Variants in PHF8 observed in about 807,000 individuals in gnomAD.
PHF8 encodes the protein PHD finger protein 8, also known as histone lysine demethylase PHF8.
PHF8 carries 9 observed loss-of-function variants against 74.4 expected under a neutral mutation model. The ratio of observed to expected loss-of-function variants is 0.12; its 90% confidence interval spans 0.07 to 0.21. The LOEUF (loss-of-function observed/expected upper bound fraction) is 0.21. Ranked by LOEUF, PHF8 falls within the 10% of genes least tolerant of loss-of-function variation. The probability of loss-of-function intolerance (pLI) is 1.00; values close to 1 mark genes in which losing one functional copy is unlikely to be tolerated. For synonymous variants in PHF8, 311 were observed against 316.6 expected, an observed-to-expected ratio of 0.98 and a Z score of 0.19; for missense variants, 478 against 816.6, an observed-to-expected ratio of 0.59 and a Z score of 5.05.
At chrX:53,943,541 C>T (rs782078895) in intron 20 of PHF8, 23 of 530,130 alleles carry the variant, frequency 4.3e-5, no homozygotes, top group Admixed American at 1.6e-4. Context: ...TAGGAGCTAA[C>T]GGGATATTGA....
chrX:53,965,900 T>G, intron 18 of PHF8, among the ~76,000 whole-genome samples: 1 of 109,735 alleles, frequency 9.1e-6, no homozygotes, highest in Middle Eastern at 4.7e-3. Flanking sequence ...GTATGGCCCA[T>G]TTACGGGGGA....
At chrX:53,974,019 G>C (rs979140511) in intron 18 of PHF8, among the ~76,000 whole-genome samples, 4 of 111,272 alleles carry the variant, frequency 3.6e-5, no homozygotes, top group South Asian at 7.6e-4. Context: ...CAGCACTTTG[G>C]GGGGCTGAGG....
chrX:53,949,460 G>T (rs1557086258), intron 19 of PHF8, among the ~76,000 whole-genome samples: 1 of 111,604 alleles, frequency 9.0e-6, no homozygotes, highest in Non-Finnish European at 1.9e-5. Context: ...AATTACAAAA[G>T]ATATTTTTGG....
At chrX:54,021,108 T>G (rs1337766124) in intron 4 of PHF8, among the ~76,000 whole-genome samples, 3 of 112,395 alleles carry the variant, frequency 2.7e-5, no homozygotes, top group Non-Finnish European at 5.6e-5. Flanking sequence ...TACATAGCCA[T>G]AAAACAGAAG....
chrX:53,939,255 G>C lies in PHF8; in HGVS notation c.2987-9C>G. On this transcript the variant is annotated splice_polypyrimidine_tract_variant and intron_variant, in intron 21 of 21. Transcript: ENST00000338154. The stretch of plus-strand genomic sequence containing the variant: ...CTTTTTGGGACGCTTTCCTGTGGGG[G>C]AAGGGAAAAGTAAGCAAGGGCTTTG... 1 of 1,199,714 alleles carries C rather than the reference G, an allele frequency of 8.3e-7. No individual in the cohort carries two copies. Among genetic ancestry groups the C allele is most frequent in the Non-Finnish European group, 1.1e-6 (1 of 885,928 alleles).
At chrX:53,972,321 C>CAAAAAAAAAA (rs1236817498) in intron 18 of PHF8, among the ~76,000 whole-genome samples, 1 of 34,159 alleles carries the variant, frequency 2.9e-5, no homozygotes. Flanking sequence ...GACGCTGTCT[C>CAAAAAAAAAA]AAAAAAAAAA....
chrX:54,016,651 G>A lies in PHF8; in HGVS notation c.540C>T (p.Tyr180=). ...MKLGDFVKYY[Y]SGKREKVLNV... ...TGAGGACTTTCTCCCTCTTCCCGCT[G>A]TAATAGTATTTCACAAAATCACCAA... The change falls in exon 6 of 22, where the codon TAC becomes TAT. Residue 180 remains tyrosine (Y), a synonymous_variant. Coordinates refer to ENST00000338154, the MANE Select transcript of PHF8 (RefSeq NM_015107.3). The A allele has an allele frequency of 8.3e-7, 1 of 1,198,962 alleles. No individual in the cohort carries two copies. Among genetic ancestry groups the A allele is most frequent in the Non-Finnish European group, 1.1e-6 (1 of 884,158 alleles).
At chrX:53,946,520 T>C (rs1475499557) in intron 19 of PHF8, among the ~76,000 whole-genome samples, 3 of 111,987 alleles carry the variant, frequency 2.7e-5, no homozygotes, top group Non-Finnish European at 3.8e-5. Flanking sequence ...AAAGACAATG[T>C]CACAAGTAAG....
At chrX:53,945,042 G>A (rs1311590157) in intron 19 of PHF8, among the ~76,000 whole-genome samples, 10 of 104,505 alleles carry the variant, frequency 9.6e-5, no homozygotes, top group African/African-American at 2.8e-4. Context: ...AATAATAATA[G>A]TAATAAAATA....
chrX:54,013,765 C>T (rs1050356299), intron 7 of PHF8, among the ~76,000 whole-genome samples: 4 of 110,105 alleles, frequency 3.6e-5, no homozygotes, highest in Non-Finnish European at 7.6e-5. Flanking sequence ...TTGCAGTGAG[C>T]TGAGATCACG....
At chrX:54,045,166 C>G, upstream of PHF8, 1 of 312,738 alleles carries the variant, frequency 3.2e-6, no homozygotes, top group Non-Finnish European at 5.6e-6. Context: ...AGTTCAAATA[C>G]AGTTCAAGGA....
In PHF8 at chrX:53,939,042, C is replaced by T; in HGVS notation, c.*116G>A. 1 of 1,108,975 alleles carries T rather than the reference C, an allele frequency of 9.0e-7. No homozygotes were observed. The highest frequency in any genetic ancestry group is 1.2e-6 in the Non-Finnish European group (1 of 843,373). 91.4% of individuals were successfully genotyped at this position (1,108,975 alleles called of 1,213,427 possible). A position where few individuals can be genotyped will look rare whatever the true frequency, so the allele number is the denominator to read the frequency against. Reference sequence around the variant, plus strand: ...GTGCCTTTGGTAAGTCCCAAGAAAGCAGGACAATGCACCTCAGCACCTTGT... The same window carrying T: ...GTGCCTTTGGTAAGTCCCAAGAAAGTAGGACAATGCACCTCAGCACCTTGT... On this transcript the variant is annotated 3_prime_UTR_variant, in exon 22 of 22. Transcript: ENST00000338154.
intron 16 of PHF8, 102 bp from the exon 17 acceptor site, chrX:53,986,051 C>T (rs782413480): frequency 1.3e-6 from 1 of 792,798 alleles, no homozygotes; most frequent in South Asian, 2.1e-5. Flanking sequence ...ATCTTCTGAG[C>T]ACCAAGTATA....
intron 14 of PHF8, among the ~76,000 whole-genome samples, chrX:53,990,909 A>T (rs1362790391): frequency 1.8e-5 from 2 of 111,768 alleles, no homozygotes; most frequent in African/African-American, 6.5e-5. Context: ...CACCATCTTC[A>T]TGGAGAATTC....
At chrX:54,018,051 T>G (rs2066101761) in intron 4 of PHF8, among the ~76,000 whole-genome samples, 1 of 111,455 alleles carries the variant, frequency 9.0e-6, no homozygotes, top group Admixed American at 9.6e-5. Flanking sequence ...CTTCTCTGGG[T>G]GACAAGAAGA....
At chrX:53,983,492 G>A (rs1320966680) in intron 18 of PHF8, among the ~76,000 whole-genome samples, 4 of 111,690 alleles carry the variant, frequency 3.6e-5, no homozygotes, top group Non-Finnish European at 7.5e-5. Flanking sequence ...AAATTAAAAA[G>A]GCTGATAGTA....
rs1346058150 is a variant in PHF8, at chrX:53,989,253, ACCGGGC to A, written c.1731-1315_1731-1310del. On this transcript the variant is annotated intron_variant, in intron 14 of 21. Transcript: ENST00000338154. ...TGGGATTACAGCTGTGAGCCACTGCACCGGGCCACAATTTTTATTTTTTAAAAAACA... is the reference window on the plus strand; with the variant it reads ...TGGGATTACAGCTGTGAGCCACTGCACACAATTTTTATTTTTTAAAAAACA... 3.6e-5 allele frequency among the ~76,000 whole-genome samples: 4 copies of A among 111,264 alleles called. No homozygotes were observed. The Admixed American group carries it at 3.8e-4, about 11-fold the overall frequency.
intron 19 of PHF8, among the ~76,000 whole-genome samples, chrX:53,945,609 C>T (rs782030327): frequency 3.0e-4 from 33 of 111,321 alleles, no homozygotes; most frequent in Non-Finnish European, 5.1e-4. Flanking sequence ...GGCCCACTTA[C>T]CTCTCCAACC....
chrX:53,985,546 T>C (rs1379358820), intron 17 of PHF8, among the ~76,000 whole-genome samples: 2 of 111,437 alleles, frequency 1.8e-5, no homozygotes, highest in East Asian at 5.6e-4. Flanking sequence ...ACAATTCTCC[T>C]TGCTTGACTC....
Sources: gnomAD v4.1 joint callset for allele counts (sites outside exome capture counted in the v4.1 genomes callset) on GRCh38, gnomAD v4.1.1 for gene constraint, MANE v1.5 for transcripts, NCBI Gene and HGNC (gene_info 2026-07-23, HGNC 2026-07-21) for gene names.